Variants in KIAA1217 observed in about 807,000 individuals in gnomAD.
KIAA1217 encodes the protein KIAA1217.
In KIAA1217, 88 loss-of-function variants were observed where a neutral mutation model predicts 163.9. That is an observed-to-expected ratio of 0.54 (90% CI 0.45 to 0.64). The LOEUF (loss-of-function observed/expected upper bound fraction) is 0.64. KIAA1217 is among the 30% of genes least tolerant of loss of function. The pLI, the probability that KIAA1217 is intolerant of heterozygous loss-of-function variation, is 0.00. For synonymous variants in KIAA1217, 903 were observed against 923.1 expected (o/e 0.98, Z 0.39); for missense variants, 2,372 against 2,475.0 (o/e 0.96, Z 0.88).
At chr10:24,246,360 T>C (rs2073807907) in intron 2 of KIAA1217, among the ~76,000 whole-genome samples, 1 of 152,322 alleles carries the variant, frequency 6.6e-6, no homozygotes, top group Middle Eastern at 3.4e-3. Flanking sequence ...GCAGTGACCA[T>C]CCTTGTATCT....
intron 2 of KIAA1217, chr10:24,239,334 A>G: frequency 1.0e-6 from 1 of 982,854 alleles, no homozygotes; most frequent in East Asian, 1.1e-4. Context: ...AGCTCTGGGT[A>G]CAGGTAAATA....
At chr10:24,537,477 T>C (rs1330019538) in intron 17 of KIAA1217, among the ~76,000 whole-genome samples, 1 of 151,462 alleles carries the variant, frequency 6.6e-6, no homozygotes, top group East Asian at 2.0e-4. Flanking sequence ...CTCGGGAGGC[T>C]GAGGCAGGAG....
At chr10:23,969,600 A>C (rs932153581) in intron 1 of KIAA1217, among the ~76,000 whole-genome samples, 1 of 152,184 alleles carries the variant, frequency 6.6e-6, no homozygotes, top group Non-Finnish European at 1.5e-5. Flanking sequence ...ACGTCTATTC[A>C]GATCTTTTGC....
chr10:24,539,651 A>G (rs530925021), intron 17 of KIAA1217, among the ~76,000 whole-genome samples: 1 of 152,338 alleles, frequency 6.6e-6, no homozygotes, highest in African/African-American at 2.4e-5. Flanking sequence ...TGAGTGCCCA[A>G]CACTGAGTTT....
chr10:24,032,437 G>T (rs780253521), intron 2 of KIAA1217, among the ~76,000 whole-genome samples: 22 of 152,026 alleles, frequency 1.4e-4, no homozygotes, highest in Non-Finnish European at 7.4e-5. Flanking sequence ...TGTAGAGATG[G>T]GATCTCACTA....
chr10:24,493,745 A>G lies in KIAA1217; in HGVS notation c.1680-755A>G, dbSNP rs572333047. 1.1e-4 allele frequency among the ~76,000 whole-genome samples: 17 copies of G among 152,328 alleles called. No individual in the cohort carries two copies. In the South Asian group the frequency reaches 3.5e-3, roughly 32 times the overall value. On this transcript the variant is annotated intron_variant, in intron 6 of 20. Transcript: ENST00000376454. The stretch of plus-strand genomic sequence containing the variant: ...AAGTTCCTATGACATTAGATCTAAC[A>G]TCATCTACCTTCAAATAAATGGGTT...
intron 1 of KIAA1217, among the ~76,000 whole-genome samples, chr10:24,000,543 T>C (rs1589216066): frequency 1.3e-5 from 2 of 152,232 alleles, no homozygotes; most frequent in East Asian, 3.8e-4. Flanking sequence ...TATGTCCTTA[T>C]AGCAGTATGA....
intron 1 of KIAA1217, among the ~76,000 whole-genome samples, chr10:23,923,151 T>A (rs935138357): frequency 2.0e-5 from 3 of 152,164 alleles, no homozygotes; most frequent in African/African-American, 7.2e-5. Context: ...TGCCTTTGCA[T>A]CCTCATAGCA....
chr10:23,964,559 T>C (rs979307466), intron 1 of KIAA1217, among the ~76,000 whole-genome samples: 5 of 152,004 alleles, frequency 3.3e-5, no homozygotes, highest in African/African-American at 7.3e-5. Flanking sequence ...TAGAACACTA[T>C]GTAACAGTTG....
intron 2 of KIAA1217, among the ~76,000 whole-genome samples, chr10:24,285,483 G>T (rs1213259115): frequency 6.6e-6 from 1 of 152,078 alleles, no homozygotes; most frequent in African/African-American, 2.4e-5. Flanking sequence ...TTTCCCCATG[G>T]CTTAGTCTTA....
chr10:24,422,628 C>G (rs1341813884), intron 3 of KIAA1217, among the ~76,000 whole-genome samples: 1 of 152,226 alleles, frequency 6.6e-6, no homozygotes, highest in Non-Finnish European at 1.5e-5. Context: ...AAATCAGCAT[C>G]TTTCACTCAG....
At chr10:24,365,729 G>A (rs1035592731) in intron 2 of KIAA1217, among the ~76,000 whole-genome samples, 1 of 152,030 alleles carries the variant, frequency 6.6e-6, no homozygotes, top group African/African-American at 2.4e-5. Context: ...TAACCCCTAT[G>A]TGCATCTTGG....
chr10:24,042,276 C>T (rs1214773209), intron 2 of KIAA1217: 1 of 150,592 alleles, frequency 6.6e-6, no homozygotes, highest in African/African-American at 2.4e-5. Context: ...GTTTTTTCTG[C>T]CATTTAAAAT....
chr10:24,408,281 A>G (rs1283430631), intron 3 of KIAA1217, among the ~76,000 whole-genome samples: 2 of 152,200 alleles, frequency 1.3e-5, no homozygotes, highest in Admixed American at 6.5e-5. Flanking sequence ...TAAGCATTTC[A>G]TAAAACCAAT....
rs189250896 is a variant in KIAA1217, at chr10:24,002,214, C to T, written c.-320-5011C>T. On this transcript the variant is annotated intron_variant, in intron 1 of 18. Transcript: ENST00000376462. ...GTGGCAATTGCCCTCAATCTCTTACCGCCTAATTCTCCTTACAGCTGGTAA... is the reference window on the plus strand; with the variant it reads ...GTGGCAATTGCCCTCAATCTCTTACTGCCTAATTCTCCTTACAGCTGGTAA... Among the ~76,000 whole-genome samples the T allele has an allele frequency of 1.4e-4, 22 of 152,260 alleles. No homozygotes were observed. In the East Asian group the frequency reaches 4.1e-3, roughly 28 times the overall value.
At chr10:24,106,251 C>T (rs1305917414) in intron 2 of KIAA1217, among the ~76,000 whole-genome samples, 1 of 152,134 alleles carries the variant, frequency 6.6e-6, no homozygotes, top group East Asian at 1.9e-4. Flanking sequence ...ATTTCTCAAC[C>T]TCCCTTGCAA....
In KIAA1217 at chr10:24,513,442, C is replaced by T. The variant is rs1362970024; in HGVS notation, c.2177+8C>T. On this transcript the variant is annotated splice_region_variant and intron_variant, in intron 10 of 20. Transcript: ENST00000376454. ...GATCGTCAAGAAGTTGTGGTGAGTG[C>T]CAGTCACTTGCATGTTGAGCTGTTT... The T allele has an allele frequency of 1.2e-6, 2 of 1,612,322 alleles. No homozygotes were observed. The highest frequency in any genetic ancestry group is 2.7e-5 in the African/African-American group (2 of 74,886).
At chr10:23,831,069 T>A (rs900477758) in intron 1 of KIAA1217, among the ~76,000 whole-genome samples, 1 of 151,992 alleles carries the variant, frequency 6.6e-6, no homozygotes, top group Non-Finnish European at 1.5e-5. Flanking sequence ...CTCTACTGAC[T>A]CCTGAATAAT....
intron 10 of KIAA1217, among the ~76,000 whole-genome samples, chr10:24,517,172 TAAAA>T (rs34657439): frequency 1.8e-4 from 26 of 141,828 alleles, no homozygotes; most frequent in East Asian, 1.5e-3. Flanking sequence ...AAAACCCTGT[TAAAA>T]AAAAAAAAAA....
Sources: gnomAD v4.1 joint callset for allele counts (sites outside exome capture counted in the v4.1 genomes callset) on GRCh38, gnomAD v4.1.1 for gene constraint, MANE v1.5 for transcripts, NCBI Gene and HGNC (gene_info 2026-07-23, HGNC 2026-07-21) for gene names.